Variants in GORASP1 observed in about 807,000 individuals in gnomAD.
GORASP1 encodes golgi reassembly stacking protein 1, also known as Golgi reassembly-stacking protein 1.
A neutral mutation model predicts 37.7 loss-of-function variants in GORASP1; 31 were observed. The ratio of observed to expected loss-of-function variants is 0.82; its 90% CI spans 0.62 to 1.11. GORASP1 has a LOEUF of 1.11. Ranked by LOEUF, GORASP1 falls within the 50% of genes least tolerant of loss-of-function variation. The pLI, the probability that GORASP1 is intolerant of heterozygous loss-of-function variation, is 0.00. For synonymous variants in GORASP1, 204 were observed against 224.8 expected (o/e 0.91, Z 0.83); for missense variants, 476 against 560.7 (o/e 0.85, Z 1.53).
chr3:39,104,850 C>T (rs958041855), intron 1 of GORASP1, among the ~76,000 whole-genome samples: 6 of 152,216 alleles, frequency 3.9e-5, no homozygotes, highest in Non-Finnish European at 7.3e-5. Flanking sequence ...TCCCAGGCCC[C>T]GCTGCAGGGG....
intron 1 of GORASP1, among the ~76,000 whole-genome samples, chr3:39,104,912 C>CACAGG (rs1400519861): frequency 6.6e-6 from 1 of 152,238 alleles, no homozygotes; most frequent in Non-Finnish European, 1.5e-5. Flanking sequence ...TTTCGAAAAC[C>CACAGG]ACAGGACAGG....
chr3:39,099,685 G>A (rs905572195), intron 6 of GORASP1, among the ~76,000 whole-genome samples, 182 bp from the exon 7 acceptor site: 1 of 152,156 alleles, frequency 6.6e-6, no homozygotes, highest in Admixed American at 6.5e-5. Context: ...AGGCCTGAGG[G>A]GCCTGGCCTG....
chr3:39,103,274 A>G lies in GORASP1; in HGVS notation c.144+199T>C. On this transcript the variant is annotated intron_variant, in intron 2 of 8. Transcript: ENST00000319283. This position sits in a 1 kb window ranked among gnomAD's most constrained non-coding sequence, Gnocchi z 5.2. Reference sequence around the variant, plus strand: ...CCAAGAGGCCATATGTCCTCTGTCCACCCCACAGAGCTCAGAAGCTGAGCA... The same window carrying G: ...CCAAGAGGCCATATGTCCTCTGTCCGCCCCACAGAGCTCAGAAGCTGAGCA... The G allele has an allele frequency of 1.7e-6, 1 of 589,936 alleles. No homozygotes were observed. Among genetic ancestry groups the G allele is most frequent in the Non-Finnish European group, 3.0e-6 (1 of 332,564 alleles). 36.5% of individuals were successfully genotyped at this position (589,936 alleles called of 1,614,324 possible). A position where few individuals can be genotyped will look rare whatever the true frequency, so the allele number is the denominator to read the frequency against.
chr3:39,107,413 C>G, intron 1 of GORASP1, 66 bp downstream of exon 1: 4 of 1,094,860 alleles, frequency 3.7e-6, no homozygotes, highest in Non-Finnish European at 4.7e-6. Flanking sequence ...CAGCCGGCGA[C>G]CGGACGCCCG....
In GORASP1 at chr3:39,100,600, A is replaced by C. The variant is rs964583823; in HGVS notation, c.567-97T>G. ...ACTACCAGCAATAAGGGGGCTGAAAAGGGTACTTCTGAAATACCGGTCAGC... is the reference window on the plus strand; with the variant it reads ...ACTACCAGCAATAAGGGGGCTGAAACGGGTACTTCTGAAATACCGGTCAGC... On this transcript the variant is annotated intron_variant, in intron 5 of 8. Transcript: ENST00000319283. The surrounding 1 kb of genome is among the most constrained non-coding windows in gnomAD (Gnocchi z 4.6). 6.8e-7 allele frequency: 1 copy of C among 1,473,872 alleles called. No individual in the cohort carries two copies. The highest frequency in any genetic ancestry group is 9.1e-7 in the Non-Finnish European group (1 of 1,093,068). 91.3% of individuals were successfully genotyped at this position (1,473,872 alleles called of 1,614,324 possible).
Position 39,098,967 on chromosome 3 carries a change from T to TG in GORASP1, c.917-75dup. The TG allele has an allele frequency of 6.4e-7, 1 of 1,569,238 alleles. No individual in the cohort carries two copies. Among genetic ancestry groups the TG allele is most frequent in the Non-Finnish European group, 8.7e-7 (1 of 1,150,054 alleles). On this transcript the variant is annotated intron_variant, in intron 7 of 8. Transcript: ENST00000319283. This position sits in a 1 kb window ranked among gnomAD's most constrained non-coding sequence, Gnocchi z 4.7. ...GGAAAGCAGCACCCTGGGCTCACCT[T>TG]GCCTAGGGCATCTGGCCCAGCCTGT... is the stretch of plus-strand genomic sequence containing the variant.
rs762518671 is a variant in GORASP1 at position 39,098,933 on chromosome 3, C to G, written c.917-40G>C. The stretch of plus-strand genomic sequence containing the variant: ...TGCAGTTCTTTGCCAGCAAGAAACC[C>G]TGACTGCTGGAAAGCAGCACCCTGG... On this transcript the variant is annotated intron_variant, in intron 7 of 8. Coordinates refer to ENST00000319283, the MANE Select transcript of GORASP1 (RefSeq NM_031899.4). This position sits in a 1 kb window ranked among gnomAD's most constrained non-coding sequence, Gnocchi z 4.7. 1.9e-6 allele frequency: 3 copies of G among 1,610,122 alleles called. No individual in the cohort carries two copies. The highest frequency in any genetic ancestry group is 1.7e-6 in the Non-Finnish European group (2 of 1,177,984).
Position 39,107,625 on chromosome 3 carries a change from C to T in GORASP1, c.-84G>A. The T allele has an allele frequency of 1.5e-6, 2 of 1,358,536 alleles. No homozygotes were observed. Among genetic ancestry groups the T allele is most frequent in the South Asian group, 1.3e-5 (1 of 76,916 alleles). 84.2% of individuals were successfully genotyped at this position (1,358,536 alleles called of 1,614,324 possible). A position where few individuals can be genotyped will look rare whatever the true frequency, so the allele number is the denominator to read the frequency against. The stretch of plus-strand genomic sequence containing the variant: ...GACGCCAGTAGCACCGACTCGCTCT[C>T]TCGGCGCTCGATTCCTGCGCCTTGT... On this transcript the variant is annotated 5_prime_UTR_variant, in exon 1 of 9. Transcript: ENST00000319283.
Position 39,100,294 on chromosome 3 carries a change from T to A in GORASP1, c.765+11A>T. 6.2e-7 allele frequency: 1 copy of A among 1,613,038 alleles called. No homozygotes were observed. Among genetic ancestry groups the A allele is most frequent in the Non-Finnish European group, 8.5e-7 (1 of 1,179,080 alleles). On this transcript the variant is annotated intron_variant, in intron 6 of 8. Transcript: ENST00000319283. This position sits in a 1 kb window ranked among gnomAD's most constrained non-coding sequence, Gnocchi z 4.6. ...TTCTGTCTTCCCAGTTGGCAGATTC[T>A]CCCCACATACCTCCATGTAGTCACT...
rs1257692515 is a variant in GORASP1, at chr3:39,103,187, G to C, written c.144+286C>G. 3.4e-6 allele frequency: 2 copies of C among 589,588 alleles called. No individual in the cohort carries two copies. Among genetic ancestry groups the C allele is most frequent in the Non-Finnish European group, 6.0e-6 (2 of 331,012 alleles). The allele number at this position is 589,588 out of a possible 1,614,324, so 36.5% of individuals were successfully genotyped here. A position where few individuals can be genotyped will look rare whatever the true frequency, so the allele number is the denominator to read the frequency against. ...GCTGCCCCACTCTGAGCTGCCCCTTGGCCAGGGCCCTCATATCCCTCATGC... is the reference window on the plus strand; with the variant it reads ...GCTGCCCCACTCTGAGCTGCCCCTTCGCCAGGGCCCTCATATCCCTCATGC... On this transcript the variant is annotated intron_variant, in intron 2 of 8. Coordinates refer to ENST00000319283, the MANE Select transcript of GORASP1 (RefSeq NM_031899.4). This position sits in a 1 kb window ranked among gnomAD's most constrained non-coding sequence, Gnocchi z 5.2.
rs1223914945 is a variant in GORASP1, at chr3:39,098,586, A to G, written c.1070-97T>C. ...ACCGACCGCTCCCCATTGCCACTCC[A>G]GGTTTGATGGGGGATTGGAGATGGA... On this transcript the variant is annotated intron_variant, in intron 8 of 8. Coordinates refer to ENST00000319283, the MANE Select transcript of GORASP1 (RefSeq NM_031899.4). The surrounding 1 kb of genome is among the most constrained non-coding windows in gnomAD (Gnocchi z 4.7). The G allele has an allele frequency of 2.0e-6, 3 of 1,514,282 alleles. No individual in the cohort carries two copies. Among genetic ancestry groups the G allele is most frequent in the African/African-American group, 1.4e-5 (1 of 72,600 alleles). The allele number at this position is 1,514,282 out of a possible 1,614,324, so 93.8% of individuals were successfully genotyped here. A position where few individuals can be genotyped will look rare whatever the true frequency, so the allele number is the denominator to read the frequency against.
In GORASP1 at chr3:39,100,318, C is replaced by G; in HGVS notation, c.752G>C (p.Ser251Thr). The G allele has an allele frequency of 6.2e-7, 1 of 1,614,098 alleles. No individual in the cohort carries two copies. Among genetic ancestry groups the G allele is most frequent in the Non-Finnish European group, 8.5e-7 (1 of 1,179,946 alleles). ...CTCCCCACATACCTCCATGTAGTCA[C>G]TCTGCCTGGAACCTGTCTCCAGGGA... ...SPSLETGSRQ[S>T]DYMEALLQAP... The change falls in exon 6 of 9, where the codon AGT becomes ACT. Residue 251 changes from serine to threonine, a missense_variant. Ser to Thr is a moderately conservative substitution (Grantham distance 58). Coordinates refer to ENST00000319283, the MANE Select transcript of GORASP1 (RefSeq NM_031899.4). This position sits in a 1 kb window ranked among gnomAD's most constrained non-coding sequence, Gnocchi z 4.6.
Position 39,102,363 on chromosome 3 carries a change from G to A in GORASP1, c.348+315C>T. 1 of 484,318 alleles carries A rather than the reference G, an allele frequency of 2.1e-6. No homozygotes were observed. Among genetic ancestry groups the A allele is most frequent in the Non-Finnish European group, 3.8e-6 (1 of 265,004 alleles). The allele number at this position is 484,318 out of a possible 1,614,324, so 30.0% of individuals were successfully genotyped here. The stretch of plus-strand genomic sequence containing the variant: ...GACACAGAGAATAATAAAAGCAGCA[G>A]CATTCCAGCAGTCCAACCACCATTC... On this transcript the variant is annotated intron_variant, in intron 3 of 8. Transcript: ENST00000319283. This position sits in a 1 kb window ranked among gnomAD's most constrained non-coding sequence, Gnocchi z 5.0.
chr3:39,101,696 C>A, intron 3 of GORASP1: 1 of 409,130 alleles, frequency 2.4e-6, no homozygotes, highest in South Asian at 1.7e-5. Context: ...TTTGCATCAT[C>A]AGTCCCCTTT....
Position 39,100,183 on chromosome 3 carries a change from G to A in GORASP1, c.765+122C>T, listed in dbSNP as rs1010996615. ...CAGGCATGGCCTGCCTGCTCCCACT[G>A]GGTCCCAGAAGTACATGGGCCTCTC... On this transcript the variant is annotated intron_variant, in intron 6 of 8. Coordinates refer to ENST00000319283, the MANE Select transcript of GORASP1 (RefSeq NM_031899.4). The surrounding 1 kb of genome is among the most constrained non-coding windows in gnomAD (Gnocchi z 4.6). 1.1e-6 allele frequency: 1 copy of A among 892,604 alleles called. No individual in the cohort carries two copies. Among genetic ancestry groups the A allele is most frequent in the African/African-American group, 1.7e-5 (1 of 60,424 alleles). 55.3% of individuals were successfully genotyped at this position (892,604 alleles called of 1,614,324 possible).
rs755277145 is a variant in GORASP1 at position 39,099,349 on chromosome 3, G to A, written c.916+4C>T. 2 of 1,612,698 alleles carry A rather than the reference G, an allele frequency of 1.2e-6. No homozygotes were observed. The highest frequency in any genetic ancestry group is 8.5e-7 in the Non-Finnish European group (1 of 1,179,396). ...CCCACTCCTCTCCAGGGCCTGCCCAGTACCTGGGTCCATAACTCGCTGCAC... is the reference window on the plus strand; with the variant it reads ...CCCACTCCTCTCCAGGGCCTGCCCAATACCTGGGTCCATAACTCGCTGCAC... On this transcript the variant is annotated splice_donor_region_variant and intron_variant, in intron 7 of 8. Coordinates refer to ENST00000319283, the MANE Select transcript of GORASP1 (RefSeq NM_031899.4).
rs1186596867 is a variant in GORASP1 at position 39,102,113 on chromosome 3, C to T, written c.348+565G>A. Among the ~76,000 whole-genome samples the T allele has an allele frequency of 6.6e-6, 1 of 152,066 alleles. No individual in the cohort carries two copies. Among genetic ancestry groups the T allele is most frequent in the African/African-American group, 2.4e-5 (1 of 41,366 alleles). ...AACCTACACATAGCCTACTAGACAC[C>T]TGGAGTATATGCTATGGCCTGTTGC... On this transcript the variant is annotated intron_variant, in intron 3 of 8. Coordinates refer to ENST00000319283, the MANE Select transcript of GORASP1 (RefSeq NM_031899.4). This position sits in a 1 kb window ranked among gnomAD's most constrained non-coding sequence, Gnocchi z 5.0.
In GORASP1 at chr3:39,098,809, G is replaced by A. The variant is rs375607383; in HGVS notation, c.1001C>T (p.Thr334Ile). 24 of 1,614,074 alleles carry A rather than the reference G, an allele frequency of 1.5e-5. No homozygotes were observed. The highest frequency in any genetic ancestry group is 2.0e-5 in the Non-Finnish European group (24 of 1,180,022). Residue 334 changes from threonine (T) to isoleucine (I), a missense_variant, in exon 8 of 9, where the codon ACC becomes ATC. Coordinates refer to ENST00000319283, the MANE Select transcript of GORASP1 (RefSeq NM_031899.4). This position sits in a 1 kb window ranked among gnomAD's most constrained non-coding sequence, Gnocchi z 4.7. Reference protein sequence around the residue: ...WPSLPSSTELTTTAVSTSGPE... With the variant: ...WPSLPSSTELITTAVSTSGPE... ...CCCTGAGGTTGAGACAGCTGTGGTGGTCAGTTCTGTGGAAGAGGGCAGGCT... is the reference window on the plus strand; with the variant it reads ...CCCTGAGGTTGAGACAGCTGTGGTGATCAGTTCTGTGGAAGAGGGCAGGCT...
rs1414921805 is a variant in GORASP1 at position 39,097,339 on chromosome 3, CT to C, written c.*896del. On this transcript the variant is annotated 3_prime_UTR_variant, in exon 9 of 9. Coordinates refer to ENST00000319283, the MANE Select transcript of GORASP1 (RefSeq NM_031899.4). ...GGTGGAGTGCAGGGCCTAACCTAGC[CT>C]TAACCTCCAAAGGCACCTGGGGTGG... is the stretch of plus-strand genomic sequence containing the variant. 6.6e-6 allele frequency: 1 copy of C among 152,268 alleles called. No individual in the cohort carries two copies. The highest frequency in any genetic ancestry group is 1.5e-5 in the Non-Finnish European group (1 of 68,088). 9.4% of individuals were successfully genotyped at this position (152,268 alleles called of 1,614,324 possible). A position where few individuals can be genotyped will look rare whatever the true frequency, so the allele number is the denominator to read the frequency against.
Sources: allele counts gnomAD v4.1 joint callset (sites outside exome capture counted in the v4.1 genomes callset), GRCh38; gene constraint gnomAD v4.1.1; non-coding constraint Gnocchi (gnomAD v3.1); transcripts MANE v1.5; gene names NCBI Gene and HGNC (gene_info 2026-07-23, HGNC 2026-07-21).